Variants in WDR35 observed in about 807,000 individuals in gnomAD.
The protein encoded by WDR35 is WD repeat domain 35, also known as WD repeat-containing protein 35.
WDR35 carries 118 observed loss-of-function variants against 158.3 expected under a neutral mutation model. That is an observed-to-expected ratio of 0.75 (90% CI 0.64 to 0.87). The LOEUF is 0.87. Ranked by LOEUF, WDR35 falls within the 40% of genes least tolerant of loss-of-function variation. The probability of loss-of-function intolerance (pLI) is 0.00; values close to 1 mark genes in which losing one functional copy is unlikely to be tolerated. For synonymous variants in WDR35, 448 were observed against 476.1 expected (o/e 0.94, Z 0.77); for missense variants, 1,263 against 1,405.8 (o/e 0.90, Z 1.62).
At chr2:19,954,034 T>G (rs1671338787) in intron 11 of WDR35, 56 bp from the exon 12 acceptor site, 2 of 1,606,076 alleles carry the variant, frequency 1.2e-6, no homozygotes, top group Non-Finnish European at 1.7e-6. Flanking sequence ...AGAATGCTTG[T>G]GCTGCAAAGG....
intron 25 of WDR35, among the ~76,000 whole-genome samples, chr2:19,917,526 TA>T (rs1011448675): frequency 1.3e-5 from 2 of 152,308 alleles, no homozygotes; most frequent in African/African-American, 4.8e-5. Context: ...CTAACTAGAA[TA>T]ACCAGTTTAG....
intron 25 of WDR35, among the ~76,000 whole-genome samples, chr2:19,918,694 T>G (rs1481750026): frequency 6.6e-6 from 1 of 152,208 alleles, no homozygotes; most frequent in Non-Finnish European, 1.5e-5. Flanking sequence ...CAAGAAGAGC[T>G]AACCATCGTA....
chr2:19,969,341 A>C, intron 9 of WDR35, 139 bp downstream of exon 9: 1 of 845,584 alleles, frequency 1.2e-6, no homozygotes, highest in South Asian at 1.8e-5. Context: ...AGAAAAGTTT[A>C]CTAGTTCTAA....
intron 11 of WDR35, among the ~76,000 whole-genome samples, chr2:19,959,844 T>TACTACCATA (rs1671576960): frequency 6.6e-6 from 1 of 152,094 alleles, no homozygotes; most frequent in Non-Finnish European, 1.5e-5. Flanking sequence ...GTATCCAATA[T>TACTACCATA]ACTACCATAC....
At chr2:19,957,159 C>T (rs984971692) in intron 11 of WDR35, among the ~76,000 whole-genome samples, 1 of 152,184 alleles carries the variant, frequency 6.6e-6, no homozygotes, top group Non-Finnish European at 1.5e-5. Context: ...CTAGAGCAGA[C>T]TGACCCTCAC....
chr2:19,929,267 A>C (rs895328427), intron 25 of WDR35, among the ~76,000 whole-genome samples: 1 of 152,242 alleles, frequency 6.6e-6, no homozygotes, highest in Non-Finnish European at 1.5e-5. Context: ...TAAAAATAAA[A>C]ATCATCACTA....
Position 19,925,761 on chromosome 2 carries a change from C to T in WDR35, c.3121+4635G>A, listed in dbSNP as rs183517856. The stretch of plus-strand genomic sequence containing the variant: ...TCTAATTCCAGAACAATTATATAGC[C>T]CTCAAAGTCAACATATAATGCATGA... On this transcript the variant is annotated intron_variant, in intron 25 of 26. Transcript: ENST00000281405. Among the ~76,000 whole-genome samples the T allele has an allele frequency of 6.6e-5, 10 of 152,156 alleles. No homozygotes were observed. In the East Asian group the frequency reaches 1.9e-3, roughly 29 times the overall value.
rs915958090 is a variant in WDR35 at position 19,913,028 on chromosome 2, A to G, written c.*530T>C. The G allele has an allele frequency of 6.6e-6, 1 of 152,644 alleles. No homozygotes were observed. Among genetic ancestry groups the G allele is most frequent in the Non-Finnish European group, 1.5e-5 (1 of 68,346 alleles). The allele number at this position is 152,644 out of a possible 1,614,324, so 9.5% of individuals were successfully genotyped here. Reference sequence around the variant, plus strand: ...TTCAGATTGTAAAAAATGTCTTAAAATGCCATCGCCTCACTTCTGAAAATA... The same window carrying G: ...TTCAGATTGTAAAAAATGTCTTAAAGTGCCATCGCCTCACTTCTGAAAATA... On this transcript the variant is annotated 3_prime_UTR_variant, in exon 27 of 27. Coordinates refer to ENST00000281405, the MANE Select transcript of WDR35 (RefSeq NM_020779.4).
intron 19 of WDR35, 63 bp downstream of exon 19, chr2:19,937,680 T>G: frequency 6.2e-7 from 1 of 1,605,506 alleles, no homozygotes; most frequent in Non-Finnish European, 8.5e-7. Context: ...TAGTTTCCAT[T>G]TGTAAAAAAT....
intron 12 of WDR35, among the ~76,000 whole-genome samples, chr2:19,952,795 T>TC (rs1671284299): frequency 6.9e-6 from 1 of 144,086 alleles, no homozygotes; most frequent in African/African-American, 2.6e-5. Context: ...TTTTTTTTTT[T>TC]TTTTTTTTTT....
chr2:19,924,628 C>T (rs1244701380), intron 25 of WDR35, among the ~76,000 whole-genome samples: 1 of 152,132 alleles, frequency 6.6e-6, no homozygotes, highest in African/African-American at 2.4e-5. Context: ...TAGCTTTTGA[C>T]AATGCTAATC....
chr2:19,972,485 TAAG>T (rs1308543307), intron 8 of WDR35, among the ~76,000 whole-genome samples: 2 of 151,356 alleles, frequency 1.3e-5, no homozygotes, highest in Non-Finnish European at 2.9e-5. Flanking sequence ...GAACAAGAAT[TAAG>T]AAGGAGGCTA....
At chr2:19,928,347 C>T (rs913009707) in intron 25 of WDR35, among the ~76,000 whole-genome samples, 5 of 152,196 alleles carry the variant, frequency 3.3e-5, no homozygotes, top group Admixed American at 2.6e-4. Context: ...TAATGACTGG[C>T]TTGCTGTTAA....
chr2:19,929,509 G>C (rs1167954174), intron 25 of WDR35, among the ~76,000 whole-genome samples: 2 of 152,078 alleles, frequency 1.3e-5, no homozygotes, highest in Non-Finnish European at 2.9e-5. Context: ...TCATTCATAT[G>C]CTTTGGCTTA....
chr2:19,931,303 G>A lies in WDR35; in HGVS notation c.2930C>T (p.Ala977Val), dbSNP rs754516323. ...IEQYHEQMKN[A>V]QRGKVKGKSS... The stretch of plus-strand genomic sequence containing the variant: ...TTTTCCTTTAACTTTTCCTCGCTGG[G>A]CATTCTTCATCTGTTCATGGTATTG... The change falls in exon 24 of 27, where the codon GCC becomes GTC. Residue 977 changes from alanine (A) to valine (V), a missense_variant. Coordinates refer to ENST00000281405, the MANE Select transcript of WDR35 (RefSeq NM_020779.4). 14 of 1,612,846 alleles carry A rather than the reference G, an allele frequency of 8.7e-6. No individual in the cohort carries two copies. In the East Asian group the frequency reaches 2.9e-4, roughly 34 times the overall value.
intron 16 of WDR35, 114 bp downstream of exon 16, chr2:19,945,672 G>T: frequency 1.8e-6 from 2 of 1,133,560 alleles, no homozygotes; most frequent in Non-Finnish European, 2.6e-6. Context: ...AATTCATGCA[G>T]CCGTGTTGGC....
intron 25 of WDR35, among the ~76,000 whole-genome samples, chr2:19,917,590 T>A (rs1298509025): frequency 6.6e-6 from 1 of 152,098 alleles, no homozygotes; most frequent in Non-Finnish European, 1.5e-5. Flanking sequence ...AAGAACTTCG[T>A]GAAGCATACA....
At chr2:19,986,538 A>C (rs1239396828) in intron 2 of WDR35, among the ~76,000 whole-genome samples, 2 of 152,212 alleles carry the variant, frequency 1.3e-5, no homozygotes, top group African/African-American at 2.4e-5. Flanking sequence ...TCTTGTCTGG[A>C]AAAATAATGT....
intron 19 of WDR35, among the ~76,000 whole-genome samples, chr2:19,936,759 A>G (rs938424387): frequency 8.5e-5 from 13 of 152,216 alleles, no homozygotes; most frequent in African/African-American, 2.9e-4. Context: ...CTTGAAAGTG[A>G]GACAGGGCCC....
Sources: gnomAD v4.1 joint callset for allele counts (sites outside exome capture counted in the v4.1 genomes callset) on GRCh38, gnomAD v4.1.1 for gene constraint, MANE v1.5 for transcripts, NCBI Gene and HGNC (gene_info 2026-07-23, HGNC 2026-07-21) for gene names.